The following KHDRBS2 variants were observed in gnomAD, a reference collection of about 807,000 sequenced individuals.
KHDRBS2 encodes KH RNA binding domain containing, signal transduction associated 2.
Under a neutral mutation model 44.3 loss-of-function variants are expected in KHDRBS2, and 26 were observed. The ratio of observed to expected loss-of-function variants is 0.59; its 90% CI spans 0.43 to 0.81. KHDRBS2 has a LOEUF of 0.81. Among genes scored for constraint, KHDRBS2 ranks in the 40% least tolerant of loss-of-function variants. The pLI is 0.00. For missense variants in KHDRBS2, 476 were observed against 433.1 expected (o/e 1.10, Z -0.88); for synonymous variants, 194 against 151.1 (o/e 1.28, Z -2.08).
At chr6:62,265,631 A>C (rs1426576754) in intron 1 of KHDRBS2, among the ~76,000 whole-genome samples, 1 of 152,038 alleles carries the variant, frequency 6.6e-6, no homozygotes, top group African/African-American at 2.4e-5. Flanking sequence ...AAGCCTATAA[A>C]TATTACAATA....
intron 1 of KHDRBS2, among the ~76,000 whole-genome samples, chr6:62,184,034 A>C (rs574970179): frequency 1.2e-4 from 18 of 151,836 alleles, no homozygotes; most frequent in African/African-American, 4.3e-4. Flanking sequence ...TCCAAGTAAA[A>C]ATGCATTTTG....
At chr6:62,011,245 T>A (rs1285624339) in intron 3 of KHDRBS2, among the ~76,000 whole-genome samples, 1 of 152,088 alleles carries the variant, frequency 6.6e-6, no homozygotes, top group Non-Finnish European at 1.5e-5. Context: ...TAGAAATGAG[T>A]TCTATCATTT....
chr6:61,751,546 C>A (rs576066400), intron 6 of KHDRBS2, among the ~76,000 whole-genome samples: 2 of 152,156 alleles, frequency 1.3e-5, no homozygotes, highest in East Asian at 3.9e-4. Context: ...GTCCATGCTG[C>A]AATTCATCCT....
the KHDRBS2 span, among the ~76,000 whole-genome samples, chr6:61,586,177 C>T: frequency 6.6e-6 from 1 of 152,218 alleles, no homozygotes; most frequent in South Asian, 2.1e-4. Context: ...TTGCTTTGGG[C>T]ATTTGTTACT....
At chr6:61,556,544 C>A in the KHDRBS2 span, among the ~76,000 whole-genome samples, 2 of 152,116 alleles carry the variant, frequency 1.3e-5, no homozygotes, top group African/African-American at 4.8e-5. Flanking sequence ...CTACCAAATA[C>A]CCAAGTCTCA....
At chr6:62,198,721 C>G (rs770485745) in intron 1 of KHDRBS2, among the ~76,000 whole-genome samples, 1 of 152,180 alleles carries the variant, frequency 6.6e-6, no homozygotes, top group African/African-American at 2.4e-5. Flanking sequence ...AGGGAATCCT[C>G]CCTAACTCAT....
Position 62,178,232 on chromosome 6 carries a change from G to C in KHDRBS2, c.92-920C>G, listed in dbSNP as rs551601232. Among the ~76,000 whole-genome samples, 66 of 151,584 alleles carry C rather than the reference G, an allele frequency of 4.4e-4. No individual in the cohort carries two copies. The South Asian group carries it at 0.013, about 30-fold the overall frequency. On this transcript the variant is annotated intron_variant, in intron 1 of 8. Transcript: ENST00000281156. ...GATCAAAGCCCTGAATGACAGAGAA[G>C]AATAAGCCATGAGAAGACTAAGAAG...
chr6:61,951,819 C>T (rs1220326485), intron 4 of KHDRBS2, among the ~76,000 whole-genome samples: 1 of 152,002 alleles, frequency 6.6e-6, no homozygotes, highest in Non-Finnish European at 1.5e-5. Context: ...TAAGCAATCC[C>T]TCATTCTCTT....
chr6:62,176,147 T>C (rs1378421273), intron 2 of KHDRBS2, among the ~76,000 whole-genome samples: 1 of 151,400 alleles, frequency 6.6e-6, no homozygotes, highest in East Asian at 1.9e-4. Context: ...TTCATGTACA[T>C]TTCTAAGACT....
At chr6:61,790,233 G>A (rs1015439489) in intron 6 of KHDRBS2, among the ~76,000 whole-genome samples, 1 of 151,320 alleles carries the variant, frequency 6.6e-6, no homozygotes, top group African/African-American at 2.4e-5. Context: ...CTCATTGGGT[G>A]CTCACCAGAG....
intron 1 of KHDRBS2, among the ~76,000 whole-genome samples, chr6:62,247,334 T>A (rs1419985215): frequency 6.6e-6 from 1 of 151,692 alleles, no homozygotes; most frequent in African/African-American, 2.4e-5. Flanking sequence ...CAAAAGTAAG[T>A]GTGGTGTTTG....
At chr6:61,779,132 G>A (rs1206371562) in intron 6 of KHDRBS2, among the ~76,000 whole-genome samples, 3 of 152,092 alleles carry the variant, frequency 2.0e-5, no homozygotes, top group Non-Finnish European at 4.4e-5. Context: ...ATTAACAATA[G>A]TAAGATACAA....
the KHDRBS2 span, among the ~76,000 whole-genome samples, chr6:61,615,040 C>A: frequency 6.6e-6 from 1 of 151,678 alleles, no homozygotes; most frequent in African/African-American, 2.4e-5. Context: ...TTGAGACCAG[C>A]CTGGCCAACA....
At chr6:62,092,103 T>C (rs1799593567) in intron 2 of KHDRBS2, among the ~76,000 whole-genome samples, 1 of 152,086 alleles carries the variant, frequency 6.6e-6, no homozygotes, top group Non-Finnish European at 1.5e-5. Context: ...CCTAAAGTTT[T>C]GCTTGATGTC....
chr6:62,063,552 A>G (rs1792640932), intron 2 of KHDRBS2, among the ~76,000 whole-genome samples: 1 of 151,816 alleles, frequency 6.6e-6, no homozygotes, highest in African/African-American at 2.4e-5. Context: ...CAATAGATGC[A>G]GAAAAAGCCT....
chr6:61,906,482 T>C (rs1360057700), intron 4 of KHDRBS2, among the ~76,000 whole-genome samples: 1 of 152,082 alleles, frequency 6.6e-6, no homozygotes, highest in African/African-American at 2.4e-5. Flanking sequence ...TACCAAATAC[T>C]AGATCTTACT....
At chr6:61,583,045 C>T in the KHDRBS2 span, among the ~76,000 whole-genome samples, 1 of 151,746 alleles carries the variant, frequency 6.6e-6, no homozygotes, top group Non-Finnish European at 1.5e-5. Flanking sequence ...TAACATGTAG[C>T]CACATTTTCA....
the KHDRBS2 span, among the ~76,000 whole-genome samples, chr6:61,590,235 A>G: frequency 6.6e-6 from 1 of 152,316 alleles, no homozygotes; most frequent in Non-Finnish European, 1.5e-5. Flanking sequence ...AAAAGTATGG[A>G]GCACTTTTAT....
chr6:61,996,244 G>A (rs765379160), intron 3 of KHDRBS2, among the ~76,000 whole-genome samples: 53 of 152,114 alleles, frequency 3.5e-4, no homozygotes, highest in Non-Finnish European at 5.9e-4. Context: ...GTTTCAAAAA[G>A]TATTTACATG....
Sources: gnomAD v4.1 joint callset for allele counts (sites outside exome capture counted in the v4.1 genomes callset) on GRCh38, gnomAD v4.1.1 for gene constraint, MANE v1.5 for transcripts, NCBI Gene and HGNC (gene_info 2026-07-23, HGNC 2026-07-21) for gene names.